The following ZFHX3 variants were observed in gnomAD, a reference collection of about 807,000 sequenced individuals.
ZFHX3 encodes the protein zinc finger homeobox protein 3.
Under a neutral mutation model 279.1 loss-of-function variants are expected in ZFHX3, and 42 were observed. The ratio of observed to expected loss-of-function variants is 0.15; its 90% CI spans 0.12 to 0.19. The LOEUF is 0.19. Among genes scored for constraint, ZFHX3 ranks in the 10% least tolerant of loss-of-function variants. ZFHX3 has a pLI of 1.00. For missense variants in ZFHX3, 4,981 were observed against 4,754.0 expected, an observed-to-expected ratio of 1.05 and a Z score of -1.40; for synonymous variants, 2,293 against 1,957.8, an observed-to-expected ratio of 1.17 and a Z score of -4.52.
chr16:73,528,779 G>C (rs1196581179), intron 2 of ZFHX3, among the ~76,000 whole-genome samples: 5 of 152,200 alleles, frequency 3.3e-5, no homozygotes, highest in Non-Finnish European at 7.3e-5. Flanking sequence ...TATCAGGATG[G>C]AGTTATGGTC....
chr16:72,916,863 G>C (rs2039454219), intron 3 of ZFHX3, among the ~76,000 whole-genome samples: 2 of 152,276 alleles, frequency 1.3e-5, no homozygotes, highest in South Asian at 4.1e-4. Flanking sequence ...AGAGTTAAGT[G>C]TCAAAACATG....
At chr16:73,624,478 G>C (rs1329708226) in intron 2 of ZFHX3, among the ~76,000 whole-genome samples, 1 of 152,178 alleles carries the variant, frequency 6.6e-6, no homozygotes, top group East Asian at 1.9e-4. Flanking sequence ...GGGCAGGAGG[G>C]AGGAAAAGAA....
chr16:73,455,039 C>T (rs1399242239), intron 3 of ZFHX3, among the ~76,000 whole-genome samples: 2 of 152,172 alleles, frequency 1.3e-5, no homozygotes, highest in East Asian at 1.9e-4. Context: ...CAAATGGAAG[C>T]TTGTCATTAC....
chr16:73,869,895 G>A (rs914280096), intron 1 of ZFHX3, among the ~76,000 whole-genome samples: 5 of 152,136 alleles, frequency 3.3e-5, no homozygotes, highest in African/African-American at 1.2e-4. Context: ...GGAATCTTGG[G>A]GCCCCAGGAC....
intron 2 of ZFHX3, among the ~76,000 whole-genome samples, chr16:73,597,332 A>ATGG (rs2052061580): frequency 6.6e-6 from 1 of 152,166 alleles, no homozygotes; most frequent in Admixed American, 6.5e-5. Context: ...ATCACTCTGT[A>ATGG]GACTATCTAT....
intron 8 of ZFHX3, among the ~76,000 whole-genome samples, chr16:73,083,704 G>GT (rs1211541905): frequency 6.6e-6 from 1 of 152,090 alleles, no homozygotes; most frequent in African/African-American, 2.4e-5. Flanking sequence ...TAACTGTTGT[G>GT]TTTTTTATAG....
Position 72,957,653 on chromosome 16 carries a change from G to C in ZFHX3, c.2493C>G (p.Asn831Lys), listed in dbSNP as rs966570509. Residue 831 changes from asparagine (N) to lysine (K), a missense_variant, in exon 2 of 10, where the codon AAC becomes AAG. Physicochemically the swap from Asn to Lys is moderately conservative, Grantham distance 94 (BLOSUM62 0). Around this residue, in one of 7 missense-constraint regions of ZFHX3, gnomAD observed 1,751 missense variants for 1,770.0 expected, o/e 0.99. Coordinates refer to ENST00000268489, the MANE Select transcript of ZFHX3 (RefSeq NM_006885.4). ...TCATGTTCTGTTGCAGTAACATCAT[G>C]TTATGCATGTGCTTCTCACTGGTCA... Reference protein sequence around the residue: ...IHMTSEKHMHNMMLLQQNMTQ... With the variant: ...IHMTSEKHMHKMMLLQQNMTQ... 4.3e-6 allele frequency: 7 copies of C among 1,614,086 alleles called. No individual in the cohort carries two copies. Among genetic ancestry groups the C allele is most frequent in the African/African-American group, 1.3e-5 (1 of 74,932 alleles).
rs1468044791 is a variant in ZFHX3 at position 73,091,035 on chromosome 16, C to A, written c.-533+2200G>T. ...GACCATCCTGGCTAACACGGTAAAACCCCGTCTCTACTAAAAATACAAAAA... is the reference window on the plus strand; with the variant it reads ...GACCATCCTGGCTAACACGGTAAAAACCCGTCTCTACTAAAAATACAAAAA... On this transcript the variant is annotated intron_variant, in intron 8 of 17. Coordinates refer to the ZFHX3 transcript ENST00000641206. Among the ~76,000 whole-genome samples the A allele has an allele frequency of 3.3e-5, 5 of 151,396 alleles. No homozygotes were observed. The East Asian group carries it at 9.7e-4, about 29-fold the overall frequency.
At chr16:73,459,239 C>T (rs543505946) in intron 2 of ZFHX3, among the ~76,000 whole-genome samples, 1 of 152,186 alleles carries the variant, frequency 6.6e-6, no homozygotes, top group Non-Finnish European at 1.5e-5. Context: ...GTTGAAGACA[C>T]AATACAGAGG....
At chr16:72,897,591 C>A (rs2038930456) in intron 3 of ZFHX3, among the ~76,000 whole-genome samples, 2 of 151,990 alleles carry the variant, frequency 1.3e-5, no homozygotes, top group African/African-American at 4.8e-5. Flanking sequence ...TAGGTGCGTG[C>A]CATCATGCCT....
At chr16:72,933,326 G>A (rs1959924368) in intron 3 of ZFHX3, among the ~76,000 whole-genome samples, 1 of 152,180 alleles carries the variant, frequency 6.6e-6, no homozygotes, top group South Asian at 2.1e-4. Flanking sequence ...TCCCAGAGGA[G>A]TAGGAAGGTG....
chr16:73,127,538 G>T, intron 7 of ZFHX3: 1 of 1,305,500 alleles, frequency 7.7e-7, no homozygotes, highest in Non-Finnish European at 1.0e-6. Flanking sequence ...TGCAGAGATG[G>T]GAGGCTTTGG....
chr16:73,886,719 A>G (rs1486087692), intron 1 of ZFHX3, among the ~76,000 whole-genome samples: 1 of 152,264 alleles, frequency 6.6e-6, no homozygotes, highest in Non-Finnish European at 1.5e-5. Flanking sequence ...GAAATGGCAC[A>G]TGCAAAGCCA....
chr16:73,142,333 T>C (rs1198834383), intron 6 of ZFHX3, among the ~76,000 whole-genome samples: 4 of 152,178 alleles, frequency 2.6e-5, no homozygotes, highest in Non-Finnish European at 4.4e-5. Flanking sequence ...TTTTAATATA[T>C]ATCTAGAGAA....
chr16:73,383,975 C>T (rs2016857343), intron 3 of ZFHX3, among the ~76,000 whole-genome samples: 1 of 152,204 alleles, frequency 6.6e-6, no homozygotes, highest in South Asian at 2.1e-4. Context: ...AAAGGCCTCC[C>T]AAATGGCGAG....
chr16:73,196,893 G>C (rs924718109), intron 5 of ZFHX3, among the ~76,000 whole-genome samples: 1 of 152,148 alleles, frequency 6.6e-6, no homozygotes, highest in Admixed American at 6.5e-5. Context: ...GGGAGCCCAG[G>C]ACTCTTGATG....
intron 5 of ZFHX3, among the ~76,000 whole-genome samples, chr16:73,155,339 G>A (rs1967051919): frequency 6.6e-6 from 1 of 152,048 alleles, no homozygotes; most frequent in African/African-American, 2.4e-5. Flanking sequence ...CAATATAAAG[G>A]ATGTTGGTCC....
chr16:73,598,348 A>G (rs144247676), intron 2 of ZFHX3, among the ~76,000 whole-genome samples: 150 of 152,086 alleles, frequency 9.9e-4, no homozygotes, highest in African/African-American at 3.5e-3. Context: ...ATCTCAGTTC[A>G]TATGTATTTT....
intron 1 of ZFHX3, among the ~76,000 whole-genome samples, chr16:73,847,904 GTTTTTTTTT>G (rs60189791): frequency 2.5e-5 from 2 of 80,054 alleles, no homozygotes; most frequent in Non-Finnish European, 2.3e-5. Context: ...TGCCTGGCTA[GTTTTTTTTT>G]TTTTTTTTTT....
Sources: gnomAD v4.1 joint callset for allele counts (sites outside exome capture counted in the v4.1 genomes callset) on GRCh38, gnomAD v4.1.1 for gene constraint, gnomAD v4.1.1 regional missense constraint, MANE v1.5 for transcripts, NCBI Gene and HGNC (gene_info 2026-07-23, HGNC 2026-07-21) for gene names.